Variants in PHF21A observed in about 807,000 individuals in gnomAD.
PHF21A encodes the protein BHC80a.
PHF21A carries 11 observed loss-of-function variants against 82.5 expected under a neutral mutation model. That is an observed-to-expected ratio of 0.13 (90% CI 0.08 to 0.22). The LOEUF is 0.22. Among genes scored for constraint, PHF21A ranks in the 10% least tolerant of loss-of-function variants. PHF21A has a pLI of 1.00. For synonymous variants in PHF21A, 297 were observed against 302.8 expected, an observed-to-expected ratio of 0.98 and a Z score of 0.20; for missense variants, 579 against 837.8, an observed-to-expected ratio of 0.69 and a Z score of 3.81.
chr11:46,053,082 G>A (rs1424881562), intron 6 of PHF21A, among the ~76,000 whole-genome samples: 3 of 151,972 alleles, frequency 2.0e-5, no homozygotes, highest in Non-Finnish European at 4.4e-5. Flanking sequence ...TTATTCTAAG[G>A]GCAGAACTGA....
chr11:46,088,763 A>G (rs1565931192), intron 3 of PHF21A, among the ~76,000 whole-genome samples: 1 of 152,202 alleles, frequency 6.6e-6, no homozygotes, highest in Non-Finnish European at 1.5e-5. Context: ...AGACTTTTTA[A>G]TAGAACTTCT....
At chr11:46,111,115 G>C (rs186108898) in intron 1 of PHF21A, among the ~76,000 whole-genome samples, 13 of 150,326 alleles carry the variant, frequency 8.6e-5, no homozygotes, top group East Asian at 3.9e-4. Context: ...ACAACTATGT[G>C]GGGGGGGAGG....
intron 7 of PHF21A, among the ~76,000 whole-genome samples, chr11:45,972,014 CAT>C (rs2093790067): frequency 6.6e-6 from 1 of 150,928 alleles, no homozygotes; most frequent in Admixed American, 6.6e-5. Context: ...GATAATGAAA[CAT>C]GTTAGCCAAT....
chr11:46,106,964 T>C (rs1488148948), intron 1 of PHF21A, among the ~76,000 whole-genome samples: 1 of 152,172 alleles, frequency 6.6e-6, no homozygotes, highest in Non-Finnish European at 1.5e-5. Context: ...CTGCAAAAGA[T>C]CACTCCAACT....
intron 6 of PHF21A, among the ~76,000 whole-genome samples, chr11:46,026,299 A>AG (rs1479672824): frequency 6.6e-6 from 1 of 152,174 alleles, no homozygotes; most frequent in East Asian, 1.9e-4. Context: ...AATGTGCCTT[A>AG]GGGGGAAACT....
At chr11:46,006,155 T>C (rs1420128378) in intron 6 of PHF21A, among the ~76,000 whole-genome samples, 1 of 152,224 alleles carries the variant, frequency 6.6e-6, no homozygotes, top group Non-Finnish European at 1.5e-5. Flanking sequence ...TAGATCACTG[T>C]TGACATAGTT....
intron 1 of PHF21A, among the ~76,000 whole-genome samples, chr11:46,094,317 A>C (rs1380317243): frequency 6.6e-6 from 1 of 152,188 alleles, no homozygotes; most frequent in Non-Finnish European, 1.5e-5. Context: ...AACTGCTCAT[A>C]AGACTATTTG....
chr11:45,991,497 T>G (rs1007676984), intron 6 of PHF21A, among the ~76,000 whole-genome samples: 1 of 152,092 alleles, frequency 6.6e-6, no homozygotes, highest in East Asian at 1.9e-4. Context: ...AACACCAGTA[T>G]CTGGCTTGCT....
At chr11:46,040,352 G>GA (rs2096105442) in intron 6 of PHF21A, among the ~76,000 whole-genome samples, 1 of 152,128 alleles carries the variant, frequency 6.6e-6, no homozygotes, top group Non-Finnish European at 1.5e-5. Context: ...TATAAACAAA[G>GA]AAAAATACTA....
intron 6 of PHF21A, among the ~76,000 whole-genome samples, chr11:45,993,703 A>G (rs2094798219): frequency 6.6e-6 from 1 of 151,676 alleles, no homozygotes; most frequent in South Asian, 2.1e-4. Flanking sequence ...GATACAGTCA[A>G]CTGCCAGGAA....
In PHF21A at chr11:45,945,859, G is replaced by C; in HGVS notation, c.1433C>G (p.Pro478Arg). Residue 478 changes from proline to arginine, a missense_variant, in exon 15 of 19, where the codon CCC (proline) becomes CGC (arginine). This residue lies in a region of PHF21A where 410 missense variants were observed against 642.1 expected (regional missense o/e 0.64). Coordinates refer to ENST00000676320, the MANE Select transcript of PHF21A (RefSeq NM_001352027.3). Reference sequence around the variant, plus strand: ...ACTTACGTCTGTGGAGGTGGGGCTGGGCAGGGACACAGGCTGAACAGGTGC... The same window carrying C: ...ACTTACGTCTGTGGAGGTGGGGCTGCGCAGGGACACAGGCTGAACAGGTGC... ...FPAPVQPVSL[P>R]SPTSTDGDIH... 6.3e-7 allele frequency: 1 copy of C among 1,589,856 alleles called. No homozygotes were observed.
chr11:46,033,482 T>A (rs1449876690), intron 6 of PHF21A, among the ~76,000 whole-genome samples: 1 of 152,200 alleles, frequency 6.6e-6, no homozygotes, highest in Non-Finnish European at 1.5e-5. Flanking sequence ...TAGGCTGGTC[T>A]TGAACTCCTG....
chr11:45,947,514 C>G (rs2135423164), intron 14 of PHF21A, among the ~76,000 whole-genome samples: 1 of 152,242 alleles, frequency 6.6e-6, no homozygotes, highest in South Asian at 2.1e-4. Flanking sequence ...ACTGGTTTAT[C>G]TTTTCTAGGG....
At chr11:45,999,381 C>T (rs1321130516) in intron 6 of PHF21A, among the ~76,000 whole-genome samples, 2 of 152,088 alleles carry the variant, frequency 1.3e-5, no homozygotes, top group Non-Finnish European at 2.9e-5. Context: ...AGTTTCCCTG[C>T]TAGTGGTTGA....
intron 6 of PHF21A, among the ~76,000 whole-genome samples, chr11:46,019,484 T>G (rs1391674333): frequency 6.6e-6 from 1 of 152,182 alleles, no homozygotes; most frequent in Non-Finnish European, 1.5e-5. Flanking sequence ...CAGGCAAAGC[T>G]GGCTAAAAGC....
intron 1 of PHF21A, among the ~76,000 whole-genome samples, chr11:46,101,731 G>T (rs535253318): frequency 5.7e-4 from 87 of 152,168 alleles, no homozygotes; most frequent in African/African-American, 2.0e-3. Flanking sequence ...GACCTACCAG[G>T]CTTAATCAAT....
At chr11:46,059,034 A>G (rs1267600304) in intron 6 of PHF21A, among the ~76,000 whole-genome samples, 1 of 152,204 alleles carries the variant, frequency 6.6e-6, no homozygotes, top group African/African-American at 2.4e-5. Flanking sequence ...TACAGTTCCA[A>G]TAATTCCTCT....
intron 6 of PHF21A, among the ~76,000 whole-genome samples, chr11:46,020,286 T>C (rs760899712): frequency 1.4e-4 from 21 of 152,188 alleles, no homozygotes; most frequent in Non-Finnish European, 1.3e-4. Flanking sequence ...TAAGATCCTA[T>C]GACATGTTTG....
At chr11:45,999,073 C>A (rs1025367275) in intron 6 of PHF21A, among the ~76,000 whole-genome samples, 5 of 151,874 alleles carry the variant, frequency 3.3e-5, no homozygotes, top group African/African-American at 1.2e-4. Context: ...GTGATCTGCC[C>A]GCCTCAGCCT....
Sources: allele counts gnomAD v4.1 joint callset (sites outside exome capture counted in the v4.1 genomes callset), GRCh38; gene constraint gnomAD v4.1.1; regional missense constraint gnomAD v4.1.1; transcripts MANE v1.5; gene names NCBI Gene and HGNC (gene_info 2026-07-23, HGNC 2026-07-21).